Variants in ST6GALNAC5 observed in about 807,000 individuals in gnomAD.
ST6GALNAC5 encodes the protein ST6 N-acetylgalactosaminide alpha-2,6-sialyltransferase 5, also known as alpha-N-acetylgalactosaminide alpha-2,6-sialyltransferase 5.
Under a neutral mutation model 33.6 loss-of-function variants are expected in ST6GALNAC5, and 27 were observed. That is an observed-to-expected ratio of 0.80 (90% confidence interval 0.59 to 1.11). The LOEUF (loss-of-function observed/expected upper bound fraction) is 1.11, where lower values mean the gene tolerates loss of function less well. Ranked by LOEUF, ST6GALNAC5 falls within the 50% of genes least tolerant of loss-of-function variation. ST6GALNAC5 has a pLI of 0.00. For missense variants in ST6GALNAC5, 428 were observed against 454.0 expected, an observed-to-expected ratio of 0.94 and a Z score of 0.52; for synonymous variants, 194 against 171.2, an observed-to-expected ratio of 1.13 and a Z score of -1.04.
chr1:76,946,268 C>T (rs1469516765), intron 2 of ST6GALNAC5, among the ~76,000 whole-genome samples: 4 of 152,100 alleles, frequency 2.6e-5, no homozygotes, highest in Admixed American at 6.5e-5. Context: ...TTTCTGACCT[C>T]GTTCCCAAGA....
At chr1:77,000,451 C>G (rs370868302) in intron 2 of ST6GALNAC5, among the ~76,000 whole-genome samples, 25,285 of 123,088 alleles carry the variant, frequency 0.21, 2,942 homozygotes, top group South Asian at 0.33. Flanking sequence ...TGCCTGTTCA[C>G]TCTGATGGTA....
At chr1:76,951,173 G>A (rs886747357) in intron 2 of ST6GALNAC5, among the ~76,000 whole-genome samples, 5 of 152,004 alleles carry the variant, frequency 3.3e-5, no homozygotes, top group Admixed American at 6.6e-5. Flanking sequence ...AACAAACCAC[G>A]GATCAAATCA....
chr1:77,029,930 A>G (rs1403876543), intron 2 of ST6GALNAC5, among the ~76,000 whole-genome samples: 1 of 152,232 alleles, frequency 6.6e-6, no homozygotes, highest in Non-Finnish European at 1.5e-5. Flanking sequence ...TAGGATCACC[A>G]TTATGAATGT....
At chr1:77,015,124 C>T (rs909541235) in intron 2 of ST6GALNAC5, among the ~76,000 whole-genome samples, 8 of 151,528 alleles carry the variant, frequency 5.3e-5, no homozygotes, top group Non-Finnish European at 7.4e-5. Context: ...TATGCAATTA[C>T]GGAGGCCAAG....
At chr1:76,938,690 C>T (rs909204330) in intron 2 of ST6GALNAC5, among the ~76,000 whole-genome samples, 1 of 152,058 alleles carries the variant, frequency 6.6e-6, no homozygotes, top group Non-Finnish European at 1.5e-5. Flanking sequence ...GTAGTTTCTA[C>T]CAGAAGACAT....
intron 2 of ST6GALNAC5, among the ~76,000 whole-genome samples, chr1:76,953,401 T>C (rs1647832274): frequency 6.6e-6 from 1 of 152,154 alleles, no homozygotes; most frequent in Non-Finnish European, 1.5e-5. Flanking sequence ...CTCATTGTGG[T>C]TTTAATTTGC....
intron 2 of ST6GALNAC5, among the ~76,000 whole-genome samples, chr1:76,913,047 C>T (rs184664605): frequency 0.036 from 5,445 of 151,340 alleles, 337 homozygotes; most frequent in African/African-American, 0.13. Flanking sequence ...GATTTTGCAG[C>T]GGCTGGTACC....
chr1:76,988,581 T>C (rs1649600990), intron 2 of ST6GALNAC5, among the ~76,000 whole-genome samples: 2 of 152,126 alleles, frequency 1.3e-5, no homozygotes, highest in African/African-American at 2.4e-5. Context: ...ATTTCTTTTC[T>C]GGTGTTTGCT....
intron 2 of ST6GALNAC5, among the ~76,000 whole-genome samples, chr1:76,887,874 A>AT (rs1396465751): frequency 1.3e-5 from 2 of 151,666 alleles, no homozygotes; most frequent in Non-Finnish European, 2.9e-5. Flanking sequence ...TCCTCCTAAG[A>AT]TTTTTTTTCA....
chr1:77,034,540 CCT>C (rs2100451842), intron 2 of ST6GALNAC5, among the ~76,000 whole-genome samples: 1 of 152,306 alleles, frequency 6.6e-6, no homozygotes, highest in African/African-American at 2.4e-5. Context: ...GACTGTCCCA[CCT>C]CTAAGGGGAT....
chr1:76,991,308 A>G (rs538573817), intron 2 of ST6GALNAC5, among the ~76,000 whole-genome samples: 1 of 152,346 alleles, frequency 6.6e-6, no homozygotes, highest in South Asian at 2.1e-4. Flanking sequence ...AGATTATTCT[A>G]AAGAAAACAT....
chr1:77,059,364 C>T (rs1652500832), intron 4 of ST6GALNAC5, among the ~76,000 whole-genome samples: 1 of 152,144 alleles, frequency 6.6e-6, no homozygotes, highest in Non-Finnish European at 1.5e-5. Flanking sequence ...TCAGGCTTTC[C>T]CTGCATTTCA....
At chr1:76,924,450 G>T (rs909762268) in intron 2 of ST6GALNAC5, among the ~76,000 whole-genome samples, 1 of 152,084 alleles carries the variant, frequency 6.6e-6, no homozygotes, top group Non-Finnish European at 1.5e-5. Context: ...CCTTTTAATA[G>T]ATCAAACTTT....
At chr1:77,046,562 T>A (rs775738471) in intron 3 of ST6GALNAC5, among the ~76,000 whole-genome samples, 1 of 152,168 alleles carries the variant, frequency 6.6e-6, no homozygotes, top group Non-Finnish European at 1.5e-5. Flanking sequence ...GCAGATCACA[T>A]TGGGGATTCT....
At chr1:77,037,445 C>T (rs1651686043) in intron 2 of ST6GALNAC5, among the ~76,000 whole-genome samples, 1 of 152,074 alleles carries the variant, frequency 6.6e-6, no homozygotes, top group African/African-American at 2.4e-5. Flanking sequence ...CTATTGAGTA[C>T]TATCCTCACT....
intron 2 of ST6GALNAC5, among the ~76,000 whole-genome samples, chr1:77,032,536 C>T (rs1651496777): frequency 6.6e-6 from 1 of 152,124 alleles, no homozygotes; most frequent in African/African-American, 2.4e-5. Flanking sequence ...GGTTATTCTA[C>T]ATGGCTCTCT....
chr1:76,918,426 T>C (rs1646996365), intron 2 of ST6GALNAC5, among the ~76,000 whole-genome samples: 1 of 151,990 alleles, frequency 6.6e-6, no homozygotes, highest in Non-Finnish European at 1.5e-5. Context: ...GAGACCATCC[T>C]GGCTAACATG....
intron 2 of ST6GALNAC5, among the ~76,000 whole-genome samples, chr1:76,962,545 G>C (rs1250870090): frequency 6.6e-6 from 1 of 152,156 alleles, no homozygotes; most frequent in Non-Finnish European, 1.5e-5. Context: ...TTTATGAAGG[G>C]TTTTTCAATA....
intron 2 of ST6GALNAC5, among the ~76,000 whole-genome samples, chr1:76,993,368 A>G (rs1336975181): frequency 6.6e-6 from 1 of 152,202 alleles, no homozygotes; most frequent in African/African-American, 2.4e-5. Context: ...CAAGAACTCA[A>G]TCAATAGATG....
Sources: allele counts gnomAD v4.1 joint callset (sites outside exome capture counted in the v4.1 genomes callset), GRCh38; gene constraint gnomAD v4.1.1; transcripts MANE v1.5; gene names NCBI Gene and HGNC (gene_info 2026-07-23, HGNC 2026-07-21).